Variants in WDR72 observed in about 807,000 individuals in gnomAD.
The protein encoded by WDR72 is WD repeat domain 72, also known as WD repeat-containing protein 72.
WDR72 carries 120 observed loss-of-function variants against 124.2 expected under a neutral mutation model. The ratio of observed to expected loss-of-function variants is 0.97; its 90% CI spans 0.83 to 1.12. The LOEUF (loss-of-function observed/expected upper bound fraction) is 1.12. Ranked by LOEUF, WDR72 falls within the 50% of genes most tolerant of loss-of-function variation. The pLI is 0.00. For missense variants in WDR72, 1,387 were observed against 1,278.8 expected (o/e 1.08, Z -1.29); for synonymous variants, 452 against 441.7 (o/e 1.02, Z -0.29).
chr15:53,737,429 A>T (rs1030168537), intron 1 of WDR72, among the ~76,000 whole-genome samples: 1 of 152,218 alleles, frequency 6.6e-6, no homozygotes, highest in Non-Finnish European at 1.5e-5. Context: ...CTTACAAAAG[A>T]TTCCTAAAAT....
At chr15:53,530,785 AATT>A (rs1892412694) in intron 18 of WDR72, among the ~76,000 whole-genome samples, 1 of 152,094 alleles carries the variant, frequency 6.6e-6, no homozygotes, top group South Asian at 2.1e-4. Context: ...ATCACAGGGC[AATT>A]TAAACCAAGG....
intron 1 of WDR72, among the ~76,000 whole-genome samples, chr15:53,737,255 T>C (rs974623593): frequency 3.3e-5 from 5 of 152,128 alleles, no homozygotes; most frequent in African/African-American, 9.7e-5. Context: ...AGTGAGGATA[T>C]ATCAAAGGAA....
intron 18 of WDR72, among the ~76,000 whole-genome samples, chr15:53,593,827 C>T (rs1421575176): frequency 6.6e-6 from 1 of 151,512 alleles, no homozygotes; most frequent in African/African-American, 2.4e-5. Context: ...TGTATTTCAA[C>T]ACTTTTAATG....
At chr15:53,688,381 C>T (rs1357467639) in intron 13 of WDR72, among the ~76,000 whole-genome samples, 1 of 148,088 alleles carries the variant, frequency 6.8e-6, no homozygotes, top group Non-Finnish European at 1.5e-5. Context: ...GATACAAAAT[C>T]AATGTACAAA....
intron 1 of WDR72, among the ~76,000 whole-genome samples, chr15:53,744,663 T>C (rs567633284): frequency 5.4e-4 from 82 of 152,340 alleles, no homozygotes; most frequent in African/African-American, 1.7e-3. Context: ...TGTCTTTTCA[T>C]TGTTTGATCC....
intron 18 of WDR72, among the ~76,000 whole-genome samples, chr15:53,532,644 T>C (rs1892545688): frequency 6.6e-6 from 1 of 151,918 alleles, no homozygotes; most frequent in African/African-American, 2.4e-5. Flanking sequence ...AGAAGGTTAG[T>C]GGGAAGCGGG....
At chr15:53,726,156 A>G (rs528554327) in intron 2 of WDR72, among the ~76,000 whole-genome samples, 1 of 149,132 alleles carries the variant, frequency 6.7e-6, no homozygotes, top group Non-Finnish European at 1.5e-5. Flanking sequence ...ATGCTTGATG[A>G]TATGTAAGTT....
chr15:53,555,542 C>A (rs536428631), intron 18 of WDR72, among the ~76,000 whole-genome samples: 1 of 151,844 alleles, frequency 6.6e-6, no homozygotes, highest in East Asian at 1.9e-4. Context: ...TTTTATCTCT[C>A]GTCCTTCATG....
chr15:53,718,829 T>C (rs1451879409), intron 3 of WDR72, among the ~76,000 whole-genome samples: 1 of 150,906 alleles, frequency 6.6e-6, no homozygotes, highest in Non-Finnish European at 1.5e-5. Context: ...TTTAAAAATT[T>C]TAAAAATCTT....
chr15:53,744,469 C>T (rs2018593518), intron 1 of WDR72, among the ~76,000 whole-genome samples: 1 of 152,096 alleles, frequency 6.6e-6, no homozygotes. Context: ...CTGCCAGCTC[C>T]CAAACTGTTC....
chr15:53,561,329 G>A (rs977834545), intron 18 of WDR72, among the ~76,000 whole-genome samples: 4 of 151,626 alleles, frequency 2.6e-5, no homozygotes, highest in Non-Finnish European at 4.4e-5. Flanking sequence ...CATATTGAAA[G>A]CTTTTATTCT....
chr15:53,651,142 C>T (rs1412750397), intron 14 of WDR72, among the ~76,000 whole-genome samples: 1 of 152,140 alleles, frequency 6.6e-6, no homozygotes, highest in Non-Finnish European at 1.5e-5. Flanking sequence ...TCATTGTCTA[C>T]ATCAACCTCA....
chr15:53,554,382 A>G (rs1566957986), intron 18 of WDR72, among the ~76,000 whole-genome samples: 2 of 152,160 alleles, frequency 1.3e-5, no homozygotes, highest in South Asian at 4.1e-4. Flanking sequence ...CCATATATTT[A>G]TCACAATTTC....
At chr15:53,626,850 C>T (rs1373531595) in intron 14 of WDR72, among the ~76,000 whole-genome samples, 1 of 152,178 alleles carries the variant, frequency 6.6e-6, no homozygotes, top group Non-Finnish European at 1.5e-5. Context: ...CAGCTAGTCC[C>T]ATCTCTCACT....
chr15:53,748,526 T>C (rs906570904), intron 1 of WDR72, among the ~76,000 whole-genome samples: 1 of 152,144 alleles, frequency 6.6e-6, no homozygotes, highest in African/African-American at 2.4e-5. Flanking sequence ...TAAAATCACA[T>C]TGGGAAACGT....
intron 14 of WDR72, among the ~76,000 whole-genome samples, chr15:53,617,186 G>C (rs2013800952): frequency 6.6e-6 from 1 of 151,606 alleles, no homozygotes; most frequent in South Asian, 2.1e-4. Flanking sequence ...TTCTCCTTTT[G>C]TAAAATTTTA....
chr15:53,527,837 G>A (rs1040215169), intron 18 of WDR72, among the ~76,000 whole-genome samples: 2 of 151,950 alleles, frequency 1.3e-5, no homozygotes, highest in Non-Finnish European at 2.9e-5. Context: ...AATAAGCAGT[G>A]AAAAAGAACT....
chr15:53,732,290 T>G (rs183132755), intron 2 of WDR72, among the ~76,000 whole-genome samples: 1 of 152,346 alleles, frequency 6.6e-6, no homozygotes, highest in East Asian at 1.9e-4. Context: ...TAGTCTTTGA[T>G]CTTTAAAAGG....
intron 14 of WDR72, among the ~76,000 whole-genome samples, chr15:53,620,349 C>T (rs1377767282): frequency 6.6e-6 from 1 of 151,384 alleles, no homozygotes. Context: ...AAATATAATC[C>T]CATTTTCTAT....
Sources: allele counts gnomAD v4.1 joint callset (sites outside exome capture counted in the v4.1 genomes callset), GRCh38; gene constraint gnomAD v4.1.1; transcripts MANE v1.5; gene names NCBI Gene and HGNC (gene_info 2026-07-23, HGNC 2026-07-21).